Variants in WWOX observed in about 807,000 individuals in gnomAD.
WWOX encodes WW domain-containing oxidoreductase.
A neutral mutation model predicts 46.2 loss-of-function variants in WWOX; 69 were observed. That is an observed-to-expected ratio of 1.49 (90% CI 1.23 to 1.82). The LOEUF (loss-of-function observed/expected upper bound fraction) is 1.82, where lower values mean the gene tolerates loss of function less well. Among genes scored for constraint, WWOX ranks in the 40% most tolerant of loss-of-function variants. The probability of loss-of-function intolerance (pLI) is 0.00; values close to 1 mark genes in which losing one functional copy is unlikely to be tolerated. For synonymous variants in WWOX, 359 were observed against 202.6 expected (o/e 1.77, Z -6.56); for missense variants, 919 against 542.6 (o/e 1.69, Z -6.89).
intron 8 of WWOX, among the ~76,000 whole-genome samples, chr16:79,106,449 A>C (rs930631793): frequency 6.6e-6 from 1 of 152,140 alleles, no homozygotes; most frequent in Admixed American, 6.6e-5. Flanking sequence ...GGATTCTGGG[A>C]TGAATCTGGG....
intron 4 of WWOX, among the ~76,000 whole-genome samples, chr16:78,146,643 T>C (rs1308116379): frequency 6.6e-6 from 1 of 152,178 alleles, no homozygotes; most frequent in East Asian, 1.9e-4. Context: ...AATGAAGAAC[T>C]CCTTCCCAGC....
intron 8 of WWOX, among the ~76,000 whole-genome samples, chr16:79,091,468 A>C (rs1352885462): frequency 2.0e-5 from 3 of 152,056 alleles, no homozygotes; most frequent in Non-Finnish European, 4.4e-5. Flanking sequence ...ATTTTTGTTC[A>C]TGTGGACTTC....
intron 8 of WWOX, among the ~76,000 whole-genome samples, chr16:79,047,955 G>T (rs1365952816): frequency 1.3e-5 from 2 of 152,094 alleles, no homozygotes; most frequent in Non-Finnish European, 2.9e-5. Flanking sequence ...CCTGTCTGCA[G>T]AGGAGTTGCA....
Position 78,983,103 on chromosome 16 carries a change from C to T in WWOX, c.1057-228505C>T, listed in dbSNP as rs571269770. On this transcript the variant is annotated intron_variant, in intron 8 of 8. Transcript: ENST00000566780. ...TGGGCTTGTGTTTTGCTTTTGTAGA[C>T]TGACACTGAGAATAGCATCCAAACA... Among the ~76,000 whole-genome samples the T allele has an allele frequency of 5.3e-5, 8 of 152,286 alleles. No homozygotes were observed. In the South Asian group the frequency reaches 1.7e-3, roughly 32 times the overall value.
intron 5 of WWOX, among the ~76,000 whole-genome samples, chr16:78,352,492 T>G (rs919702402): frequency 1.3e-5 from 2 of 152,188 alleles, no homozygotes; most frequent in African/African-American, 2.4e-5. Flanking sequence ...TTCCTCTATC[T>G]TCAAAGCCAG....
chr16:78,639,574 T>C (rs1195324182), intron 8 of WWOX, among the ~76,000 whole-genome samples: 2 of 47,480 alleles, frequency 4.2e-5, no homozygotes, highest in African/African-American at 7.4e-5. Flanking sequence ...ATTGGATTTT[T>C]TTTTTTTCCA....
At chr16:78,125,763 A>G (rs1246519090) in intron 4 of WWOX, among the ~76,000 whole-genome samples, 1 of 152,190 alleles carries the variant, frequency 6.6e-6, no homozygotes, top group East Asian at 1.9e-4. Context: ...TTATGATTGT[A>G]AAACAAACAT....
At chr16:78,633,119 G>C (rs767845068) in intron 8 of WWOX, among the ~76,000 whole-genome samples, 8 of 152,108 alleles carry the variant, frequency 5.3e-5, no homozygotes, top group African/African-American at 2.4e-5. Context: ...AAAATTAGCC[G>C]GGTGTGGTGG....
chr16:78,970,813 G>C (rs555487300), intron 8 of WWOX, among the ~76,000 whole-genome samples: 1 of 152,274 alleles, frequency 6.6e-6, no homozygotes, highest in East Asian at 1.9e-4. Context: ...AAGGGAGTAT[G>C]TTGGTTCATG....
intron 8 of WWOX, chr16:79,203,064 G>C (rs764593840): frequency 6.6e-6 from 1 of 152,102 alleles, no homozygotes; most frequent in African/African-American, 2.4e-5. Context: ...TTATTTACCC[G>C]GGCAATTAAA....
chr16:79,072,680 C>G (rs977747609), intron 8 of WWOX, among the ~76,000 whole-genome samples: 1 of 152,186 alleles, frequency 6.6e-6, no homozygotes, highest in African/African-American at 2.4e-5. Flanking sequence ...TTCATCATCA[C>G]CATCACCATC....
intron 5 of WWOX, among the ~76,000 whole-genome samples, chr16:78,200,587 T>TC (rs1233109431): frequency 6.6e-6 from 1 of 151,502 alleles, no homozygotes; most frequent in Non-Finnish European, 1.5e-5. Flanking sequence ...CCTTGAGTTT[T>TC]TTTTTTTTTA....
intron 5 of WWOX, among the ~76,000 whole-genome samples, chr16:78,258,947 A>C (rs985844808): frequency 5.3e-5 from 8 of 152,276 alleles, no homozygotes; most frequent in Middle Eastern, 3.4e-3. Flanking sequence ...TTGGCCTGCA[A>C]ACAGTGTTAC....
chr16:78,590,439 C>G (rs1567665160), intron 8 of WWOX, among the ~76,000 whole-genome samples: 1 of 152,196 alleles, frequency 6.6e-6, no homozygotes, highest in Non-Finnish European at 1.5e-5. Context: ...CCCTTCAACT[C>G]TAATATTATT....
chr16:79,104,560 G>C (rs146810057), intron 8 of WWOX, among the ~76,000 whole-genome samples: 1 of 152,078 alleles, frequency 6.6e-6, no homozygotes, highest in Non-Finnish European at 1.5e-5. Flanking sequence ...AATTATGTAC[G>C]GTTAAGTATT....
chr16:78,613,721 G>A (rs1044864674), intron 8 of WWOX, among the ~76,000 whole-genome samples: 4 of 152,126 alleles, frequency 2.6e-5, no homozygotes, highest in African/African-American at 7.2e-5. Flanking sequence ...TCTTTGGAAC[G>A]AACTTTCCAG....
At chr16:78,856,482 A>C (rs2052569540) in intron 8 of WWOX, among the ~76,000 whole-genome samples, 1 of 152,152 alleles carries the variant, frequency 6.6e-6, no homozygotes, top group African/African-American at 2.4e-5. Context: ...ATTTCTGCTA[A>C]AAATACAAAA....
chr16:78,932,841 A>AT (rs2045653701), intron 8 of WWOX, among the ~76,000 whole-genome samples: 1 of 152,186 alleles, frequency 6.6e-6, no homozygotes, highest in Admixed American at 6.5e-5. Context: ...GCAAGGAGGC[A>AT]TTTGGAGGTC....
At chr16:78,817,922 C>T (rs1231610670) in intron 8 of WWOX, among the ~76,000 whole-genome samples, 1 of 152,110 alleles carries the variant, frequency 6.6e-6, no homozygotes, top group Middle Eastern at 3.2e-3. Context: ...AGGAAGGAGA[C>T]TCTGAGTGCA....
Sources: allele counts gnomAD v4.1 joint callset (sites outside exome capture counted in the v4.1 genomes callset), GRCh38; gene constraint gnomAD v4.1.1; transcripts MANE v1.5; gene names NCBI Gene and HGNC (gene_info 2026-07-23, HGNC 2026-07-21).